Variants in CFAP107 observed in about 807,000 individuals in gnomAD.
CFAP107 encodes cilia- and flagella-associated protein 107.
chr1:12,761,055 C>T, the CFAP107 span: 1 of 1,178,392 alleles, frequency 8.5e-7, no homozygotes, highest in Non-Finnish European at 1.2e-6. Flanking sequence ...AGTACGAGAT[C>T]TGGCCCGTCA....
chr1:12,760,877 T>A, the CFAP107 span: 2 of 1,614,002 alleles, frequency 1.2e-6, no homozygotes, highest in Non-Finnish European at 1.7e-6. Flanking sequence ...CAGACCACCG[T>A]TGTGCGCTAT....
chr1:12,755,846 C>A, the CFAP107 span: 1 of 1,453,686 alleles, frequency 6.9e-7, no homozygotes, highest in Non-Finnish European at 9.7e-7. Flanking sequence ...ACACTCAGGC[C>A]TGGACCCCAC....
At chr1:12,760,961 C>A in the CFAP107 span, 1 of 1,604,068 alleles carries the variant, frequency 6.2e-7, no homozygotes, top group Non-Finnish European at 8.5e-7. Context: ...AGAGCTGCCA[C>A]CCCAGGAGCA....
At chr1:12,751,575 C>T in the CFAP107 span, among the ~76,000 whole-genome samples, 3 of 151,950 alleles carry the variant, frequency 2.0e-5, no homozygotes, top group Non-Finnish European at 4.4e-5. Flanking sequence ...TTCAGTGAGC[C>T]GAGATTATAC....
At chr1:12,759,979 G>A in the CFAP107 span, among the ~76,000 whole-genome samples, 6 of 152,020 alleles carry the variant, frequency 3.9e-5, no homozygotes, top group Non-Finnish European at 8.8e-5. Context: ...AACAGGTAAT[G>A]GAGAGAAAGT....
the CFAP107 span, among the ~76,000 whole-genome samples, chr1:12,757,888 G>A: frequency 1.3e-5 from 2 of 151,930 alleles, no homozygotes; most frequent in African/African-American, 2.4e-5. Flanking sequence ...TGACTCCAAA[G>A]CCCGTATCCC....
At chr1:12,755,717 C>A in the CFAP107 span, 30 of 1,612,620 alleles carry the variant, frequency 1.9e-5, no homozygotes, top group Middle Eastern at 1.6e-4. Flanking sequence ...GAGACACTGA[C>A]AAGACACCCC....
chr1:12,758,908 A>G, the CFAP107 span, among the ~76,000 whole-genome samples: 17,310 of 152,162 alleles, frequency 0.11, 1,572 homozygotes, highest in African/African-American at 0.26. Context: ...GGCTTTCACC[A>G]TCTTGTCCTT....
chr1:12,746,218 C>A, the CFAP107 span: 1 of 430,080 alleles, frequency 2.3e-6, no homozygotes, highest in South Asian at 2.4e-5. Context: ...GTAGAGAATC[C>A]AAGATAGATC....
At chr1:12,760,954 G>C in the CFAP107 span, 13 of 1,607,702 alleles carry the variant, frequency 8.1e-6, no homozygotes, top group Non-Finnish European at 1.0e-5. Context: ...ACTTCTGAGA[G>C]CTGCCACCCC....
chr1:12,759,412 G>A, the CFAP107 span: 46 of 1,613,982 alleles, frequency 2.9e-5, no homozygotes, highest in South Asian at 4.6e-4. Context: ...TTACAACCCG[G>A]GGCTGCCTCC....
chr1:12,750,055 T>G, the CFAP107 span, among the ~76,000 whole-genome samples: 3 of 152,244 alleles, frequency 2.0e-5, no homozygotes, highest in Non-Finnish European at 4.4e-5. Flanking sequence ...TAAATGAGTC[T>G]GCATTATATA....
the CFAP107 span, chr1:12,759,702 C>A: frequency 1.3e-4 from 83 of 635,984 alleles, no homozygotes; most frequent in Non-Finnish European, 2.1e-4. Flanking sequence ...TGTAATGAAG[C>A]CATCACCTGT....
the CFAP107 span, chr1:12,746,216 T>C: frequency 2.3e-6 from 1 of 430,758 alleles, no homozygotes; most frequent in Non-Finnish European, 4.4e-6. Flanking sequence ...CAGTAGAGAA[T>C]CCAAGATAGA....
chr1:12,751,226 A>G, the CFAP107 span, among the ~76,000 whole-genome samples: 1 of 152,064 alleles, frequency 6.6e-6, no homozygotes, highest in African/African-American at 2.4e-5. Flanking sequence ...AAGAAAACAG[A>G]AAAAAAAGAA....
the CFAP107 span, chr1:12,763,294 T>C: frequency 2.6e-5 from 4 of 152,120 alleles, no homozygotes; most frequent in Non-Finnish European, 5.9e-5. Flanking sequence ...CAAATTTATG[T>C]TGGGCCACAT....
At chr1:12,754,298 G>T in the CFAP107 span, among the ~76,000 whole-genome samples, 1 of 152,158 alleles carries the variant, frequency 6.6e-6, no homozygotes, top group Non-Finnish European at 1.5e-5. Context: ...GATTATTAGG[G>T]AAATCCAAAT....
chr1:12,763,221 G>A, the CFAP107 span: 54 of 151,824 alleles, frequency 3.6e-4, no homozygotes, highest in African/African-American at 1.3e-3. Flanking sequence ...TTACACTAAC[G>A]GTAGCTGATG....
chr1:12,746,613 A>G, the CFAP107 span: 1 of 1,121,788 alleles, frequency 8.9e-7, no homozygotes, highest in Admixed American at 1.7e-5. Flanking sequence ...GAAGTTCATC[A>G]CTATTTTCAA....
Sources: gnomAD v4.1 joint callset for allele counts (sites outside exome capture counted in the v4.1 genomes callset) on GRCh38, gnomAD v4.1.1 for gene constraint, MANE v1.5 for transcripts, NCBI Gene and HGNC (gene_info 2026-07-23, HGNC 2026-07-21) for gene names.